The following CAMK2D variants were observed in gnomAD, a reference collection of about 807,000 sequenced individuals.
The protein encoded by CAMK2D is calcium/calmodulin-dependent protein kinase type II subunit delta.
In CAMK2D, 37 loss-of-function variants were observed where a neutral mutation model predicts 84.0. The observed-to-expected ratio is 0.44, with a 90% confidence interval of 0.34 to 0.58. CAMK2D has a LOEUF of 0.58. Among genes scored for constraint, CAMK2D ranks in the 20% least tolerant of loss-of-function variants. The pLI is 0.02. For missense variants in CAMK2D, 448 were observed against 652.5 expected (o/e 0.69, Z 3.41); for synonymous variants, 202 against 212.5 (o/e 0.95, Z 0.43).
intron 2 of CAMK2D, among the ~76,000 whole-genome samples, chr4:113,757,668 G>A (rs1341639861): frequency 6.6e-6 from 1 of 152,126 alleles, no homozygotes; most frequent in Non-Finnish European, 1.5e-5. Flanking sequence ...TCCAGAAGCG[G>A]TAAAAAGCTT....
chr4:113,753,739 AC>A, intron 2 of CAMK2D: 1 of 929,616 alleles, frequency 1.1e-6, no homozygotes, highest in South Asian at 5.0e-5. Flanking sequence ...AGATATTTAA[AC>A]TACTTTGAGC....
At chr4:113,631,729 G>A (rs2099090485) in intron 3 of CAMK2D, among the ~76,000 whole-genome samples, 1 of 152,170 alleles carries the variant, frequency 6.6e-6, no homozygotes, top group Non-Finnish European at 1.5e-5. Context: ...AGCACAGGGT[G>A]CAGTGGTAAA....
At chr4:113,638,347 C>G (rs1264081661) in intron 3 of CAMK2D, among the ~76,000 whole-genome samples, 1 of 151,830 alleles carries the variant, frequency 6.6e-6, no homozygotes, top group East Asian at 1.9e-4. Flanking sequence ...AACCACAGAG[C>G]ACAAGAAGAA....
chr4:113,730,315 T>C (rs1389436117), intron 2 of CAMK2D, among the ~76,000 whole-genome samples: 1 of 152,206 alleles, frequency 6.6e-6, no homozygotes, highest in Non-Finnish European at 1.5e-5. Flanking sequence ...ATGTCTTGTG[T>C]TTCAATAGTA....
At chr4:113,674,827 T>C (rs556269783) in intron 2 of CAMK2D, among the ~76,000 whole-genome samples, 3 of 151,658 alleles carry the variant, frequency 2.0e-5, no homozygotes, top group Non-Finnish European at 4.4e-5. Context: ...GTATCACAGT[T>C]AACAGAAATC....
chr4:113,513,439 T>A, intron 11 of CAMK2D, 69 bp from the exon 12 acceptor site: 1 of 942,784 alleles, frequency 1.1e-6, no homozygotes, highest in East Asian at 2.4e-5. Flanking sequence ...AAATATAGAG[T>A]CTTTGATAAC....
chr4:113,585,955 T>A (rs1363874307), intron 4 of CAMK2D, among the ~76,000 whole-genome samples: 2 of 152,230 alleles, frequency 1.3e-5, no homozygotes, highest in East Asian at 3.8e-4. Flanking sequence ...CATTGTTTCC[T>A]TTCCTTCAAA....
intron 3 of CAMK2D, among the ~76,000 whole-genome samples, chr4:113,614,504 G>C (rs1362738814): frequency 6.6e-6 from 1 of 152,116 alleles, no homozygotes; most frequent in Non-Finnish European, 1.5e-5. Flanking sequence ...GAAACCACTT[G>C]CTGTGCTAAA....
At chr4:113,699,201 T>G (rs971262044) in intron 2 of CAMK2D, among the ~76,000 whole-genome samples, 1 of 152,114 alleles carries the variant, frequency 6.6e-6, no homozygotes, top group Non-Finnish European at 1.5e-5. Context: ...GGGGATGGTA[T>G]ATCTCTCATA....
At chr4:113,723,794 C>A (rs1252647520) in intron 2 of CAMK2D, among the ~76,000 whole-genome samples, 2 of 152,018 alleles carry the variant, frequency 1.3e-5, no homozygotes, top group Non-Finnish European at 2.9e-5. Context: ...AGCATTCAGG[C>A]AACATACAAA....
intron 13 of CAMK2D, among the ~76,000 whole-genome samples, chr4:113,506,980 T>G (rs546759655): frequency 1.3e-5 from 2 of 151,996 alleles, no homozygotes; most frequent in Non-Finnish European, 1.5e-5. Context: ...AAGGCCATTC[T>G]GTCTGGGTGA....
At chr4:113,667,031 A>G (rs1014029) in intron 2 of CAMK2D, among the ~76,000 whole-genome samples, 9,613 of 152,200 alleles carry the variant, frequency 0.063, 552 homozygotes, top group East Asian at 0.22. Flanking sequence ...CATTTGTTTC[A>G]TTTCCAAGAA....
At position 113,720,366 on chromosome 4, in the gene CAMK2D, T is replaced by TCACACACA. The variant is rs70961845; in HGVS notation, c.160+38946_160+38953dup. Among the ~76,000 whole-genome samples, 1,159 of 148,662 alleles carry TCACACACA rather than the reference T, an allele frequency of 7.8e-3. 13 individuals carry two copies. Among genetic ancestry groups the TCACACACA allele is most frequent in the African/African-American group, 0.027 (1,097 of 40,656 alleles). Reference sequence around the variant, plus strand: ...GTAAAGAAAATCAACAATCACATTCTCACACACACACACACACACACACAC... The same window carrying TCACACACA: ...GTAAAGAAAATCAACAATCACATTCTCACACACACACACACACACACACACACACACAC... On this transcript the variant is annotated intron_variant, in intron 2 of 20. Transcript: ENST00000511664.
chr4:113,705,700 T>A (rs1484745754), intron 2 of CAMK2D, among the ~76,000 whole-genome samples: 1 of 152,226 alleles, frequency 6.6e-6, no homozygotes, highest in East Asian at 1.9e-4. Flanking sequence ...GCTTTTGCTT[T>A]CTCCATAGAT....
At chr4:113,477,032 C>G (rs1302392458) in intron 16 of CAMK2D, among the ~76,000 whole-genome samples, 5 of 152,178 alleles carry the variant, frequency 3.3e-5, no homozygotes, top group East Asian at 3.9e-4. Context: ...CTCAGAGAGG[C>G]AGATTTCAGA....
rs192557640 is a variant in CAMK2D at position 113,760,466 on chromosome 4, A to C, written c.65+538T>G. On this transcript the variant is annotated intron_variant, in intron 1 of 20. Transcript: ENST00000511664. ...GTTGGGTGGCCCTTTTCCTGGACAGAACAACTACTGGATGCGAAATAGACT... is the reference window on the plus strand; with the variant it reads ...GTTGGGTGGCCCTTTTCCTGGACAGCACAACTACTGGATGCGAAATAGACT... Among the ~76,000 whole-genome samples, 15 of 152,296 alleles carry C rather than the reference A, an allele frequency of 9.8e-5. No homozygotes were observed. In the East Asian group the frequency reaches 2.5e-3, roughly 25 times the overall value.
intron 4 of CAMK2D, among the ~76,000 whole-genome samples, chr4:113,587,667 G>A (rs964919917): frequency 2.6e-5 from 4 of 152,142 alleles, no homozygotes; most frequent in Admixed American, 2.0e-4. Flanking sequence ...TTAAATCTAA[G>A]TGTATATGGA....
intron 2 of CAMK2D, among the ~76,000 whole-genome samples, chr4:113,681,263 C>G (rs2099344989): frequency 1.3e-5 from 2 of 152,146 alleles, no homozygotes; most frequent in South Asian, 4.2e-4. Context: ...TCCCACATGT[C>G]AGGGGAAGGA....
intron 2 of CAMK2D, among the ~76,000 whole-genome samples, chr4:113,697,457 T>C (rs531963588): frequency 9.2e-5 from 14 of 152,200 alleles, no homozygotes; most frequent in African/African-American, 3.1e-4. Context: ...AATGTAAAAA[T>C]ATATTAATTA....
Sources: gnomAD v4.1 joint callset for allele counts (sites outside exome capture counted in the v4.1 genomes callset) on GRCh38, gnomAD v4.1.1 for gene constraint, MANE v1.5 for transcripts, NCBI Gene and HGNC (gene_info 2026-07-23, HGNC 2026-07-21) for gene names.